The following IL1RAPL2 variants were observed in gnomAD, a reference collection of about 807,000 sequenced individuals.
IL1RAPL2 encodes the protein interleukin 1 receptor accessory protein like 2, also known as X-linked interleukin-1 receptor accessory protein-like 2.
IL1RAPL2 carries 3 observed loss-of-function variants against 44.1 expected under a neutral mutation model. That is an observed-to-expected ratio of 0.07 (90% CI 0.03 to 0.18). The LOEUF is 0.18. Among genes scored for constraint, IL1RAPL2 ranks in the 10% least tolerant of loss-of-function variants. The pLI, the probability that IL1RAPL2 is intolerant of heterozygous loss-of-function variation, is 1.00. For missense variants in IL1RAPL2, 391 were observed against 496.4 expected, an observed-to-expected ratio of 0.79 and a Z score of 2.02; for synonymous variants, 181 against 178.8, an observed-to-expected ratio of 1.01 and a Z score of -0.10.
At chrX:104,774,245 C>T (rs1038234353) in intron 2 of IL1RAPL2, among the ~76,000 whole-genome samples, 4 of 111,752 alleles carry the variant, frequency 3.6e-5, no homozygotes, top group Admixed American at 2.9e-4. Flanking sequence ...ATCCAAGAGA[C>T]ATCTAACTAG....
At chrX:105,050,999 G>C (rs2031913865) in intron 2 of IL1RAPL2, among the ~76,000 whole-genome samples, 2 of 112,348 alleles carry the variant, frequency 1.8e-5, no homozygotes, top group African/African-American at 6.5e-5. Flanking sequence ...AGGAGAGGAA[G>C]TGCGTGCTGA....
chrX:105,429,098 T>C (rs2035830648), intron 5 of IL1RAPL2, among the ~76,000 whole-genome samples: 1 of 111,889 alleles, frequency 8.9e-6, no homozygotes, highest in African/African-American at 3.2e-5. Flanking sequence ...CCCAGTGTCC[T>C]ACACTAAATA....
intron 1 of IL1RAPL2, among the ~76,000 whole-genome samples, chrX:104,641,659 A>G (rs1326028434): frequency 9.0e-6 from 1 of 111,621 alleles, no homozygotes; most frequent in African/African-American, 3.3e-5. Flanking sequence ...GTCCCAGTGG[A>G]AACTGATGCC....
intron 2 of IL1RAPL2, among the ~76,000 whole-genome samples, chrX:104,874,617 G>A (rs1231404154): frequency 9.0e-6 from 1 of 110,929 alleles, no homozygotes; most frequent in Non-Finnish European, 1.9e-5. Context: ...AAATTGGCAG[G>A]AAGAATTTTT....
chrX:105,377,063 C>T (rs1178325690), intron 5 of IL1RAPL2, among the ~76,000 whole-genome samples: 1 of 111,874 alleles, frequency 8.9e-6, no homozygotes, highest in Non-Finnish European at 1.9e-5. Context: ...GGCAACCACT[C>T]TTAACAGATT....
chrX:104,797,971 A>G (rs753646556), intron 2 of IL1RAPL2, among the ~76,000 whole-genome samples: 3 of 112,004 alleles, frequency 2.7e-5, no homozygotes, highest in African/African-American at 6.5e-5. Context: ...TGACCCAGCA[A>G]GATAGATTGA....
At chrX:105,291,343 T>C (rs2034610683) in intron 5 of IL1RAPL2, among the ~76,000 whole-genome samples, 2 of 111,584 alleles carry the variant, frequency 1.8e-5, no homozygotes, top group South Asian at 7.6e-4. Flanking sequence ...AGTGTGAAAT[T>C]TGTGTTTCAC....
chrX:104,739,345 C>A (rs1932066020), intron 2 of IL1RAPL2, among the ~76,000 whole-genome samples: 1 of 112,150 alleles, frequency 8.9e-6, no homozygotes, highest in African/African-American at 3.2e-5. Context: ...GCTGTATTTT[C>A]CTAAGGTCTA....
intron 2 of IL1RAPL2, among the ~76,000 whole-genome samples, chrX:105,069,004 A>T (rs2032173216): frequency 8.9e-6 from 1 of 112,246 alleles, no homozygotes; most frequent in African/African-American, 3.2e-5. Context: ...TTTTAGCCAA[A>T]TTGCTCCCTG....
At chrX:105,457,255 C>T (rs1284365257) in intron 5 of IL1RAPL2, among the ~76,000 whole-genome samples, 1 of 111,535 alleles carries the variant, frequency 9.0e-6, no homozygotes, top group Non-Finnish European at 1.9e-5. Flanking sequence ...ATATACATAA[C>T]ATAATATTCA....
intron 2 of IL1RAPL2, among the ~76,000 whole-genome samples, chrX:104,952,100 A>C (rs1305467702): frequency 8.9e-6 from 1 of 111,915 alleles, no homozygotes; most frequent in Non-Finnish European, 1.9e-5. Flanking sequence ...AGAATGTATG[A>C]GTTTTCCAGC....
chrX:104,664,409 G>A (rs941897594), intron 2 of IL1RAPL2, among the ~76,000 whole-genome samples: 2 of 110,796 alleles, frequency 1.8e-5, no homozygotes. Context: ...AATACTACTG[G>A]GCTCTGTTAG....
At chrX:105,351,272 C>A (rs750916172) in intron 5 of IL1RAPL2, among the ~76,000 whole-genome samples, 1 of 111,307 alleles carries the variant, frequency 9.0e-6, no homozygotes, top group African/African-American at 3.3e-5. Context: ...CCAGCAATCT[C>A]ATTACTGGGT....
chrX:104,706,474 C>A (rs1931364904), intron 2 of IL1RAPL2, among the ~76,000 whole-genome samples: 1 of 111,722 alleles, frequency 9.0e-6, no homozygotes, highest in African/African-American at 3.3e-5. Context: ...ATCCAGTCCT[C>A]TTTCCAGGTA....
At chrX:104,822,589 T>C (rs1921332600) in intron 2 of IL1RAPL2, among the ~76,000 whole-genome samples, 1 of 111,991 alleles carries the variant, frequency 8.9e-6, no homozygotes, top group Non-Finnish European at 1.9e-5. Context: ...GAGGACTCAG[T>C]TCTGTTTCAT....
chrX:104,617,651 T>G (rs1569281860), intron 1 of IL1RAPL2, among the ~76,000 whole-genome samples: 1 of 112,318 alleles, frequency 8.9e-6, no homozygotes. Context: ...GATAAAGATT[T>G]CAGTTATATT....
At chrX:105,655,918 T>G (rs1207930034) in intron 6 of IL1RAPL2, among the ~76,000 whole-genome samples, 1 of 112,231 alleles carries the variant, frequency 8.9e-6, no homozygotes, top group Non-Finnish European at 1.9e-5. Context: ...AAGTACATCA[T>G]GGAAAATGAG....
intron 5 of IL1RAPL2, among the ~76,000 whole-genome samples, chrX:105,480,181 T>G (rs1237801806): frequency 8.9e-6 from 1 of 112,374 alleles, no homozygotes; most frequent in Non-Finnish European, 1.9e-5. Flanking sequence ...TCAAATTCAT[T>G]TATTCAATTA....
chrX:104,786,927 CTCT>C (rs1932801612), intron 2 of IL1RAPL2, among the ~76,000 whole-genome samples: 1 of 16,491 alleles, frequency 6.1e-5, no homozygotes, highest in South Asian at 3.2e-3. Flanking sequence ...TATTCTCTCT[CTCT>C]CTCTCTCTCT....
Sources: allele counts gnomAD v4.1 joint callset (sites outside exome capture counted in the v4.1 genomes callset), GRCh38; gene constraint gnomAD v4.1.1; transcripts MANE v1.5; gene names NCBI Gene and HGNC (gene_info 2026-07-23, HGNC 2026-07-21).